Variants in SPART observed in about 807,000 individuals in gnomAD.
SPART encodes spastic paraplegia 20 (Troyer syndrome).
SPART carries 35 observed loss-of-function variants against 58.7 expected under a neutral mutation model. The observed-to-expected ratio is 0.60, with a 90% CI of 0.46 to 0.79. The LOEUF is 0.79. Ranked by LOEUF, SPART falls within the 30% of genes least tolerant of loss-of-function variation. The pLI is 0.00. For missense variants in SPART, 730 were observed against 786.1 expected (o/e 0.93, Z 0.85); for synonymous variants, 284 against 280.7 (o/e 1.01, Z -0.12).
intron 1 of SPART, among the ~76,000 whole-genome samples, chr13:36,344,503 G>A (rs184051564): frequency 2.6e-5 from 4 of 152,238 alleles, no homozygotes; most frequent in African/African-American, 9.6e-5. Context: ...GTATCTAGAG[G>A]TTATATATAA....
intron 2 of SPART, 122 bp downstream of exon 2, chr13:36,334,899 A>T: frequency 2.5e-6 from 2 of 788,338 alleles, no homozygotes; most frequent in Non-Finnish European, 4.2e-6. Context: ...GAATATATTT[A>T]AAAACAAAGT....
rs146223960 is a variant in SPART at position 36,361,303 on chromosome 13, T to C, written c.-3+8786A>G. 5.1e-3 allele frequency among the ~76,000 whole-genome samples: 783 copies of C among 152,314 alleles called. 4 individuals are homozygous for C. The highest frequency in any genetic ancestry group is 0.018 in the African/African-American group (736 of 41,582). On this transcript the variant is annotated intron_variant, in intron 1 of 8. Transcript: ENST00000355182. The stretch of plus-strand genomic sequence containing the variant: ...CTGAACTCTCTAAAAGAAAACAAGT[T>C]TTGAATTATAGAATACATAAATTTT...
At chr13:36,319,561 C>T (rs565475929) in intron 5 of SPART, among the ~76,000 whole-genome samples, 2 of 152,000 alleles carry the variant, frequency 1.3e-5, no homozygotes, top group African/African-American at 4.8e-5. Flanking sequence ...ACCAGACAAG[C>T]CTTACAAGTT....
chr13:36,354,445 G>A (rs758177587), intron 1 of SPART, among the ~76,000 whole-genome samples: 4 of 152,056 alleles, frequency 2.6e-5, no homozygotes, highest in Admixed American at 6.6e-5. Context: ...TCTGAGTTGC[G>A]GAGGTCAACC....
chr13:36,324,796 A>T (rs536024082), intron 5 of SPART, among the ~76,000 whole-genome samples: 1 of 152,188 alleles, frequency 6.6e-6, no homozygotes, highest in African/African-American at 2.4e-5. Context: ...GAAGGGAGAT[A>T]AGGGTGGGGC....
chr13:36,306,457 A>G (rs1000683329), intron 8 of SPART, among the ~76,000 whole-genome samples: 6 of 152,138 alleles, frequency 3.9e-5, no homozygotes, highest in East Asian at 1.9e-4. Context: ...GTGAGCTACA[A>G]TGAAGTGACA....
intron 1 of SPART, among the ~76,000 whole-genome samples, chr13:36,354,181 T>G (rs921104965): frequency 2.0e-5 from 3 of 152,078 alleles, no homozygotes; most frequent in Non-Finnish European, 4.4e-5. Context: ...CCTTTGTAGG[T>G]AGAGGACTAT....
At chr13:36,323,014 C>T (rs1882571045) in intron 5 of SPART, among the ~76,000 whole-genome samples, 2 of 152,076 alleles carry the variant, frequency 1.3e-5, no homozygotes, top group South Asian at 4.1e-4. Flanking sequence ...CCTAGAAGCA[C>T]AAAATGGTAG....
chr13:36,342,468 T>C (rs1297887418), intron 1 of SPART, among the ~76,000 whole-genome samples: 1 of 152,146 alleles, frequency 6.6e-6, no homozygotes, highest in Admixed American at 6.5e-5. Context: ...CCTGCACTAG[T>C]TTACAGAATT....
chr13:36,357,928 A>G (rs558908090), intron 1 of SPART, among the ~76,000 whole-genome samples: 6 of 152,286 alleles, frequency 3.9e-5, no homozygotes, highest in African/African-American at 1.4e-4. Context: ...TTTTCTGGCA[A>G]TATGAAGGTT....
At chr13:36,335,962 T>C in intron 1 of SPART, 130 bp from the exon 2 acceptor site, 6 of 730,814 alleles carry the variant, frequency 8.2e-6, no homozygotes, top group South Asian at 7.9e-5. Flanking sequence ...TATTATACTA[T>C]CCTTTAAGCC....
At chr13:36,341,855 C>T (rs1409047535) in intron 1 of SPART, among the ~76,000 whole-genome samples, 1 of 152,134 alleles carries the variant, frequency 6.6e-6, no homozygotes, top group Non-Finnish European at 1.5e-5. Context: ...TTTGCTCTAC[C>T]CCACAACCCC....
chr13:36,345,895 A>C (rs958454249), intron 1 of SPART, among the ~76,000 whole-genome samples: 3 of 152,128 alleles, frequency 2.0e-5, no homozygotes, highest in Non-Finnish European at 4.4e-5. Context: ...AGAATGATCA[A>C]TAGCGATGCT....
intron 1 of SPART, among the ~76,000 whole-genome samples, chr13:36,339,108 C>T (rs1360450283): frequency 1.3e-5 from 2 of 151,808 alleles, no homozygotes; most frequent in Non-Finnish European, 2.9e-5. Context: ...AAAACCCTAT[C>T]ATTTATATCA....
chr13:36,341,682 T>A (rs749932993), intron 1 of SPART, among the ~76,000 whole-genome samples: 1 of 152,240 alleles, frequency 6.6e-6, no homozygotes, highest in Non-Finnish European at 1.5e-5. Context: ...AAAGCATTCA[T>A]TAAAATTGGT....
chr13:36,354,957 A>G (rs2137701774), intron 1 of SPART, among the ~76,000 whole-genome samples: 1 of 152,368 alleles, frequency 6.6e-6, no homozygotes, highest in South Asian at 2.1e-4. Context: ...AAAGAAGACA[A>G]GGTAAAAGTA....
intron 1 of SPART, among the ~76,000 whole-genome samples, chr13:36,364,609 G>A (rs1354475789): frequency 3.9e-5 from 6 of 152,078 alleles, no homozygotes; most frequent in Admixed American, 3.3e-4. Flanking sequence ...TCCCATTAAC[G>A]AAAAAGAACA....
chr13:36,323,387 A>C (rs1882609831), intron 5 of SPART, among the ~76,000 whole-genome samples: 1 of 152,238 alleles, frequency 6.6e-6, no homozygotes, highest in Non-Finnish European at 1.5e-5. Context: ...TTGATACTGC[A>C]TAGCCGCTGC....
chr13:36,327,160 AAC>A (rs1371301441), intron 4 of SPART, among the ~76,000 whole-genome samples: 4 of 152,188 alleles, frequency 2.6e-5, no homozygotes, highest in South Asian at 2.1e-4. Context: ...GGAATATATA[AAC>A]ACAGAATAAT....
Sources: gnomAD v4.1 joint callset for allele counts (sites outside exome capture counted in the v4.1 genomes callset) on GRCh38, gnomAD v4.1.1 for gene constraint, MANE v1.5 for transcripts, NCBI Gene and HGNC (gene_info 2026-07-23, HGNC 2026-07-21) for gene names.